The following DAB1 variants were observed in gnomAD, a reference collection of about 807,000 sequenced individuals.
DAB1 encodes the protein disabled homolog 1.
Under a neutral mutation model 64.6 loss-of-function variants are expected in DAB1, and 15 were observed. That is an observed-to-expected ratio of 0.23 (90% CI 0.16 to 0.36). The LOEUF (loss-of-function observed/expected upper bound fraction) is 0.36, where lower values mean the gene tolerates loss of function less well. Ranked by LOEUF, DAB1 falls within the 10% of genes least tolerant of loss-of-function variation. The probability of loss-of-function intolerance (pLI) is 1.00; values close to 1 mark genes in which losing one functional copy is unlikely to be tolerated. For missense variants in DAB1, 596 were observed against 706.7 expected, an observed-to-expected ratio of 0.84 and a Z score of 1.78; for synonymous variants, 235 against 251.9, an observed-to-expected ratio of 0.93 and a Z score of 0.64.
At chr1:58,359,938 C>T (rs183763145) in intron 3 of DAB1, among the ~76,000 whole-genome samples, 20 of 152,170 alleles carry the variant, frequency 1.3e-4, no homozygotes, top group African/African-American at 2.7e-4. Flanking sequence ...CATCCTTCCT[C>T]GAGCTTCAGC....
chr1:57,770,045 C>A (rs772183143), intron 6 of DAB1, among the ~76,000 whole-genome samples: 5 of 152,144 alleles, frequency 3.3e-5, no homozygotes, highest in Non-Finnish European at 5.9e-5. Flanking sequence ...TATGCCCAGT[C>A]TGCAATCAGT....
At chr1:57,571,141 A>G (rs1443293823) in intron 7 of DAB1, among the ~76,000 whole-genome samples, 1 of 152,140 alleles carries the variant, frequency 6.6e-6, no homozygotes, top group East Asian at 1.9e-4. Context: ...TCATCATGTC[A>G]TCAGAAAAGA....
intron 5 of DAB1, chr1:58,056,611 G>T: frequency 1.5e-6 from 1 of 668,562 alleles, no homozygotes; most frequent in Non-Finnish European, 2.7e-6. Flanking sequence ...CCCAGTGCAA[G>T]CTGTCTTCTG....
At chr1:57,329,723 A>G (rs1558178376) in intron 1 of DAB1, among the ~76,000 whole-genome samples, 1 of 151,778 alleles carries the variant, frequency 6.6e-6, no homozygotes, top group Non-Finnish European at 1.5e-5. Context: ...ATACACCTCT[A>G]TATTTGCAAG....
In DAB1 at chr1:58,052,374, T is replaced by A. The variant is rs1354773018; in HGVS notation, n.387+98137A>T. Among the ~76,000 whole-genome samples the A allele has an allele frequency of 3.9e-5, 6 of 152,210 alleles. No individual in the cohort carries two copies. The South Asian group carries it at 6.2e-4, about 16-fold the overall frequency. ...GGTTGTAGATGTGTGGCATTACTTC[T>A]GAGTCCTCCGTTCTGTTCCATTGGT... On this transcript the variant is annotated intron_variant and non_coding_transcript_variant, in intron 5 of 20. Transcript: ENST00000485760.
Position 56,995,019 on chromosome 1 carries a change from A to G in DAB1, c.*3125T>C, listed in dbSNP as rs1376889089. The stretch of plus-strand genomic sequence containing the variant: ...AAAAAATATGTGTCAGAACGCAGAA[A>G]TTGAAATGAACCAAACCCACAGAGT... On this transcript the variant is annotated 3_prime_UTR_variant, in exon 15 of 15. Coordinates refer to ENST00000371236, the MANE Select transcript of DAB1 (RefSeq NM_001365792.1). 3 of 152,224 alleles carry G rather than the reference A, an allele frequency of 2.0e-5. No individual in the cohort carries two copies. The highest frequency in any genetic ancestry group is 7.2e-5 in the African/African-American group (3 of 41,460). 9.4% of individuals were successfully genotyped at this position (152,224 alleles called of 1,614,324 possible).
rs1553157696 is a variant in DAB1, at chr1:58,072,089, G to GGGC, written n.387+78421_387+78422insGCC. On this transcript the variant is annotated intron_variant and non_coding_transcript_variant, in intron 5 of 20. Coordinates refer to the DAB1 transcript ENST00000485760. ...TAGCAAACATTATTGGTGGGGTGGG[G>GGGC]GGGGGTGGGTAGTAGGGAAGGTTTT... Among the ~76,000 whole-genome samples, 16 of 126,912 alleles carry GGGC rather than the reference G, an allele frequency of 1.3e-4. 1 individual carries two copies. The highest frequency in any genetic ancestry group is 9.0e-5 in the Admixed American group (1 of 11,160). 83.3% of individuals were successfully genotyped at this position (126,912 alleles called of 152,430 possible). A position where few individuals can be genotyped will look rare whatever the true frequency, so the allele number is the denominator to read the frequency against.
chr1:57,718,734 A>G (rs1184121688), intron 6 of DAB1, among the ~76,000 whole-genome samples: 1 of 152,242 alleles, frequency 6.6e-6, no homozygotes, highest in African/African-American at 2.4e-5. Context: ...TGTTATCAAT[A>G]TCCCCAGTTG....
At chr1:58,488,405 G>A (rs1645613850) in intron 3 of DAB1, among the ~76,000 whole-genome samples, 1 of 152,126 alleles carries the variant, frequency 6.6e-6, no homozygotes, top group African/African-American at 2.4e-5. Flanking sequence ...GGTGACTTCT[G>A]AGATTCTGGT....
At chr1:57,788,901 G>C (rs1650460633) in intron 6 of DAB1, among the ~76,000 whole-genome samples, 1 of 152,138 alleles carries the variant, frequency 6.6e-6, no homozygotes. Flanking sequence ...ACCAAAAATT[G>C]AGGTCAGACA....
At chr1:57,615,290 A>G (rs1645778990) in intron 7 of DAB1, among the ~76,000 whole-genome samples, 1 of 152,224 alleles carries the variant, frequency 6.6e-6, no homozygotes, top group Admixed American at 6.5e-5. Flanking sequence ...GTCAAAGGTT[A>G]GCAGAAGTAT....
intron 3 of DAB1, among the ~76,000 whole-genome samples, chr1:58,377,629 A>C (rs567555613): frequency 0.019 from 2,562 of 137,776 alleles, 252 homozygotes; most frequent in Non-Finnish European, 0.029. Context: ...CCTTCATTTC[A>C]ACTTTGGTGA....
chr1:57,894,384 C>G (rs571365584), intron 5 of DAB1, among the ~76,000 whole-genome samples: 10 of 152,242 alleles, frequency 6.6e-5, no homozygotes, highest in Admixed American at 6.5e-4. Context: ...ATGGTATGTG[C>G]TCATTTTAGG....
intron 1 of DAB1, among the ~76,000 whole-genome samples, chr1:57,883,027 T>C (rs569285632): frequency 3.3e-5 from 5 of 152,326 alleles, no homozygotes; most frequent in African/African-American, 1.2e-4. Flanking sequence ...CACTATATCA[T>C]GCATACAGTT....
chr1:58,337,869 T>C (rs900863493), intron 4 of DAB1, among the ~76,000 whole-genome samples: 5 of 152,134 alleles, frequency 3.3e-5, no homozygotes, highest in Non-Finnish European at 7.4e-5. Flanking sequence ...GTATAGAGTT[T>C]CAGTCATGCA....
At chr1:57,269,848 T>C (rs1670859945) in intron 2 of DAB1, among the ~76,000 whole-genome samples, 1 of 152,146 alleles carries the variant, frequency 6.6e-6, no homozygotes, top group African/African-American at 2.4e-5. Context: ...AAATCATGTA[T>C]GGCAGGAGGT....
intron 2 of DAB1, among the ~76,000 whole-genome samples, chr1:57,222,153 G>T (rs142697263): frequency 0.013 from 2,016 of 152,176 alleles, 33 homozygotes; most frequent in Non-Finnish European, 0.017. Context: ...GGGTCGAGAG[G>T]TAAAGAAACT....
chr1:57,697,732 A>C (rs1646861751), intron 6 of DAB1, among the ~76,000 whole-genome samples: 1 of 152,184 alleles, frequency 6.6e-6, no homozygotes, highest in South Asian at 2.1e-4. Context: ...TGGGAGCTGA[A>C]GAGAGATTAC....
At chr1:57,450,233 G>C (rs1686299930) in intron 7 of DAB1, among the ~76,000 whole-genome samples, 1 of 152,204 alleles carries the variant, frequency 6.6e-6, no homozygotes, top group Non-Finnish European at 1.5e-5. Flanking sequence ...GTAAACGACT[G>C]ACACTTGATA....
Sources: gnomAD v4.1 joint callset for allele counts (sites outside exome capture counted in the v4.1 genomes callset) on GRCh38, gnomAD v4.1.1 for gene constraint, MANE v1.5 for transcripts, NCBI Gene and HGNC (gene_info 2026-07-23, HGNC 2026-07-21) for gene names.